NFATC1: variants seen among roughly 807,000 people sequenced by gnomAD.
NFATC1 encodes nuclear factor of activated T-cells, cytoplasmic 1.
A neutral mutation model predicts 76.0 loss-of-function variants in NFATC1; 22 were observed. The observed-to-expected ratio is 0.29, with a 90% CI of 0.21 to 0.41. The LOEUF (loss-of-function observed/expected upper bound fraction) is 0.41, where lower values mean the gene tolerates loss of function less well. Among genes scored for constraint, NFATC1 ranks in the 10% least tolerant of loss-of-function variants. The probability of loss-of-function intolerance (pLI) is 1.00; values close to 1 mark genes in which losing one functional copy is unlikely to be tolerated. For synonymous variants in NFATC1, 704 were observed against 613.1 expected, an observed-to-expected ratio of 1.15 and a Z score of -2.19; for missense variants, 1,357 against 1,337.7, an observed-to-expected ratio of 1.01 and a Z score of -0.23.
chr18:79,511,621 C>A (rs536764985), intron 9 of NFATC1, among the ~76,000 whole-genome samples: 1 of 152,250 alleles, frequency 6.6e-6, no homozygotes, highest in South Asian at 2.1e-4. Flanking sequence ...TCAAGAGGGG[C>A]TGTGCCTCCC....
At chr18:79,460,657 A>G (rs1002746265) in intron 6 of NFATC1, among the ~76,000 whole-genome samples, 22 of 152,250 alleles carry the variant, frequency 1.4e-4, no homozygotes, top group African/African-American at 5.1e-4. Flanking sequence ...AGAAGTTGTC[A>G]GAGGAAGGCT....
At chr18:79,520,220 G>C (rs918809550) in intron 9 of NFATC1, among the ~76,000 whole-genome samples, 6 of 138,534 alleles carry the variant, frequency 4.3e-5, no homozygotes, top group African/African-American at 1.3e-4. Flanking sequence ...CTGCGCTGCC[G>C]GGAGGTCCGG....
At chr18:79,438,708 C>T (rs868272220) in intron 3 of NFATC1, among the ~76,000 whole-genome samples, 14 of 152,052 alleles carry the variant, frequency 9.2e-5, no homozygotes, top group East Asian at 1.9e-4. Flanking sequence ...GCCTCAGCCG[C>T]GCGGGTGAGA....
At chr18:79,506,058 C>T (rs1429636892) in intron 9 of NFATC1, among the ~76,000 whole-genome samples, 8 of 152,158 alleles carry the variant, frequency 5.3e-5, no homozygotes, top group Non-Finnish European at 1.0e-4. Flanking sequence ...AACGTGCCTC[C>T]GTAGAATGCT....
At chr18:79,421,187 T>C (rs2086079379) in intron 2 of NFATC1, 1 of 152,292 alleles carries the variant, frequency 6.6e-6, no homozygotes, top group South Asian at 2.1e-4. Flanking sequence ...AAAATCAGTA[T>C]TGTGCCTTTG....
chr18:79,524,226 C>T lies in NFATC1; in HGVS notation c.2783-3302C>T, dbSNP rs1355149521. The stretch of plus-strand genomic sequence containing the variant: ...CGCCAGCGAGCCACATGGCCTCAGA[C>T]CAACCCCAGGATGGGCCCGTTGTCC... On this transcript the variant is annotated intron_variant, in intron 9 of 9. Transcript: ENST00000427363. The surrounding 1 kb of genome is among the most constrained non-coding windows in gnomAD (Gnocchi z 7.2). Among the ~76,000 whole-genome samples, 1 of 152,190 alleles carries T rather than the reference C, an allele frequency of 6.6e-6. No individual in the cohort carries two copies. Among genetic ancestry groups the T allele is most frequent in the East Asian group, 1.9e-4 (1 of 5,182 alleles).
Position 79,486,580 on chromosome 18 carries a change from A to ACGCACCCCGG in NFATC1, c.2427_2436dup (p.Ser813AlafsTer24). On this transcript the variant is annotated frameshift_variant, in exon 9 of 10. Coordinates refer to ENST00000427363, the MANE Select transcript of NFATC1 (RefSeq NM_001278669.2). LOFTEE classifies it high-confidence loss of function. ...CCAGGACGTGCCCAGGCCAGTGGCC[A>ACGCACCCCGG]CGCACCCCGGCTCGCCCGGGCAGCC... is the stretch of plus-strand genomic sequence containing the variant. 6.3e-7 allele frequency: 1 copy of ACGCACCCCGG among 1,591,272 alleles called. No individual in the cohort carries two copies. Among genetic ancestry groups the ACGCACCCCGG allele is most frequent in the Non-Finnish European group, 8.5e-7 (1 of 1,173,420 alleles).
At chr18:79,429,688 G>A (rs1208935880) in intron 2 of NFATC1, among the ~76,000 whole-genome samples, 1 of 152,210 alleles carries the variant, frequency 6.6e-6, no homozygotes, top group Non-Finnish European at 1.5e-5. Context: ...CAGAGACACA[G>A]ATTTGTAGAG....
At chr18:79,469,900 C>G (rs1600837927) in intron 8 of NFATC1, 1 of 985,478 alleles carries the variant, frequency 1.0e-6, no homozygotes, top group Non-Finnish European at 1.2e-6. Flanking sequence ...AGACTGTGAG[C>G]CCCTCAGGCA....
intron 9 of NFATC1, among the ~76,000 whole-genome samples, chr18:79,501,557 GA>G (rs1475565510): frequency 1.3e-5 from 2 of 152,052 alleles, no homozygotes; most frequent in African/African-American, 4.8e-5. Flanking sequence ...TTTATTGGAA[GA>G]AAACGTGATT....
At chr18:79,473,221 G>C (rs952465453) in intron 8 of NFATC1, among the ~76,000 whole-genome samples, 39 of 152,374 alleles carry the variant, frequency 2.6e-4, no homozygotes, top group African/African-American at 9.4e-4. Flanking sequence ...TTGGAGCTGG[G>C]CTGGCCCCAC....
chr18:79,519,339 A>AT (rs908392770), intron 9 of NFATC1, among the ~76,000 whole-genome samples: 2 of 151,496 alleles, frequency 1.3e-5, no homozygotes, highest in Non-Finnish European at 2.9e-5. Context: ...TTATTTTTTT[A>AT]TTTTTTTTCC....
intron 9 of NFATC1, among the ~76,000 whole-genome samples, chr18:79,517,445 A>G (rs1019035249): frequency 6.6e-6 from 1 of 152,176 alleles, no homozygotes; most frequent in African/African-American, 2.4e-5. Flanking sequence ...TTCCTGCTGC[A>G]GGTTTAATTA....
intron 8 of NFATC1, among the ~76,000 whole-genome samples, chr18:79,485,258 T>C (rs889220620): frequency 2.0e-5 from 3 of 152,266 alleles, no homozygotes; most frequent in African/African-American, 7.2e-5. Flanking sequence ...CACAGCTTGC[T>C]GTCTGCGTAG....
chr18:79,414,511 C>G (rs1012100335), intron 2 of NFATC1, among the ~76,000 whole-genome samples: 1 of 152,070 alleles, frequency 6.6e-6, no homozygotes, highest in Non-Finnish European at 1.5e-5. Flanking sequence ...TCTGAGAGGC[C>G]CACAATGGTC....
intron 9 of NFATC1, among the ~76,000 whole-genome samples, chr18:79,516,501 T>C (rs190258946): frequency 1.3e-5 from 2 of 152,174 alleles, no homozygotes; most frequent in African/African-American, 4.8e-5. Flanking sequence ...GCTCCTCGAC[T>C]GTGGAGTGGC....
At chr18:79,499,759 C>T (rs2089975987) in intron 9 of NFATC1, among the ~76,000 whole-genome samples, 1 of 152,072 alleles carries the variant, frequency 6.6e-6, no homozygotes, top group South Asian at 2.1e-4. Flanking sequence ...GATTTAAAGA[C>T]ACAAATAGGT....
intron 7 of NFATC1, among the ~76,000 whole-genome samples, chr18:79,464,710 A>ATTTTTT: frequency 1.1e-5 from 1 of 92,034 alleles, no homozygotes; most frequent in African/African-American, 4.5e-5. Flanking sequence ...TTATTTATTT[A>ATTTTTT]TTTTTTTTTT....
chr18:79,515,413 T>G (rs1056335601), intron 9 of NFATC1, among the ~76,000 whole-genome samples: 2 of 150,176 alleles, frequency 1.3e-5, no homozygotes, highest in Non-Finnish European at 3.0e-5. Flanking sequence ...CCACCTCCTT[T>G]GGGAGTCCCT....
Sources: gnomAD v4.1 joint callset for allele counts (sites outside exome capture counted in the v4.1 genomes callset) on GRCh38, gnomAD v4.1.1 for gene constraint, Gnocchi (gnomAD v3.1) non-coding constraint, MANE v1.5 for transcripts, NCBI Gene and HGNC (gene_info 2026-07-23, HGNC 2026-07-21) for gene names.